BPIFC: variants seen among roughly 807,000 people sequenced by gnomAD.
The protein encoded by BPIFC is BPI fold containing family C.
BPIFC carries 60 observed loss-of-function variants against 57.6 expected under a neutral mutation model. That is an observed-to-expected ratio of 1.04 (90% CI 0.85 to 1.29). The LOEUF (loss-of-function observed/expected upper bound fraction) is 1.29, where lower values mean the gene tolerates loss of function less well. Among genes scored for constraint, BPIFC ranks in the 50% most tolerant of loss-of-function variants. BPIFC has a pLI of 0.00. For missense variants in BPIFC, 581 were observed against 600.5 expected (o/e 0.97, Z 0.34); for synonymous variants, 243 against 224.5 (o/e 1.08, Z -0.74).
intron 3 of BPIFC, 41 bp from the exon 4 acceptor site, chr22:32,453,544 G>C (rs768301124): frequency 8.4e-6 from 13 of 1,544,048 alleles, no homozygotes; most frequent in Non-Finnish European, 1.1e-5. Context: ...TAATGACAAA[G>C]ATAATAATAG....
At chr22:32,421,910 C>T (rs1291494400) in intron 13 of BPIFC, among the ~76,000 whole-genome samples, 1 of 152,112 alleles carries the variant, frequency 6.6e-6, no homozygotes, top group African/African-American at 2.4e-5. Flanking sequence ...AGGAAGGTTT[C>T]CAGGGGAGGG....
rs539507235 is a variant in BPIFC, at chr22:32,431,872, G to A, written c.1150-458C>T. Among the ~76,000 whole-genome samples the A allele has an allele frequency of 2.6e-5, 4 of 152,096 alleles. No individual in the cohort carries two copies. The South Asian group carries it at 8.3e-4, about 32-fold the overall frequency. ...GAGCGTGCATGAAGTAGAGACTGGA[G>A]AGATTTTACAATGTATGAGAGTGTG... On this transcript the variant is annotated intron_variant, in intron 12 of 16. Coordinates refer to ENST00000300399, the MANE Select transcript of BPIFC (RefSeq NM_174932.3).
At chr22:32,431,599 T>C (rs16990445) in intron 12 of BPIFC, among the ~76,000 whole-genome samples, 185 bp from the exon 13 acceptor site, 13,500 of 152,080 alleles carry the variant, frequency 0.089, 909 homozygotes, top group African/African-American at 0.19. Flanking sequence ...GGAAGCTACC[T>C]GCAAAGACTT....
chr22:32,452,819 T>G (rs963430207), intron 4 of BPIFC, among the ~76,000 whole-genome samples: 2 of 152,124 alleles, frequency 1.3e-5, no homozygotes, highest in Non-Finnish European at 2.9e-5. Context: ...TAGAAGAGCT[T>G]GACTCTCCCT....
intron 12 of BPIFC, among the ~76,000 whole-genome samples, chr22:32,431,800 A>G (rs1300028379): frequency 1.3e-5 from 2 of 152,202 alleles, no homozygotes; most frequent in African/African-American, 4.8e-5. Flanking sequence ...GATTAAAAAA[A>G]AAGAGAGAAT....
At chr22:32,459,126 C>A (rs1935104918) in intron 2 of BPIFC, among the ~76,000 whole-genome samples, 1 of 152,184 alleles carries the variant, frequency 6.6e-6, no homozygotes, top group Non-Finnish European at 1.5e-5. Flanking sequence ...ATCACTGCTG[C>A]ACTTACACAT....
chr22:32,441,841 G>A (rs575214929), intron 8 of BPIFC, among the ~76,000 whole-genome samples: 1 of 152,142 alleles, frequency 6.6e-6, no homozygotes, highest in South Asian at 2.1e-4. Flanking sequence ...CCTGGGGTTG[G>A]GGGGGATGGT....
chr22:32,417,037 A>T, intron 15 of BPIFC, 48 bp downstream of exon 15: 1 of 1,434,242 alleles, frequency 7.0e-7, no homozygotes, highest in Non-Finnish European at 9.8e-7. Context: ...TGCAGATGTT[A>T]AATGTTAGCC....
At position 32,424,660 on chromosome 22, in the gene BPIFC, T is replaced by C. The variant is rs1441250873; in HGVS notation, c.1218-5256A>G. Among the ~76,000 whole-genome samples the C allele has an allele frequency of 0.013, 811 of 60,930 alleles. 142 individuals are homozygous for C. In the East Asian group the frequency reaches 0.15, roughly 11 times the overall value. The allele number at this position is 60,930 out of a possible 152,430, so 40.0% of individuals were successfully genotyped here. Reference sequence around the variant, plus strand: ...TCTTCTTCTCTTCTTCTTCTTCTTCTTCTTCTTCTTCTTCTTCTTCTTCTT... The same window carrying C: ...TCTTCTTCTCTTCTTCTTCTTCTTCCTCTTCTTCTTCTTCTTCTTCTTCTT... On this transcript the variant is annotated intron_variant, in intron 13 of 16. Coordinates refer to ENST00000300399, the MANE Select transcript of BPIFC (RefSeq NM_174932.3).
At chr22:32,436,216 C>A (rs1296225096) in intron 9 of BPIFC, among the ~76,000 whole-genome samples, 2 of 152,102 alleles carry the variant, frequency 1.3e-5, no homozygotes, top group Non-Finnish European at 2.9e-5. Context: ...ATCCCTTGAA[C>A]CAGGGAGGTT....
At chr22:32,453,862 C>T (rs190577443) in intron 3 of BPIFC, among the ~76,000 whole-genome samples, 2 of 151,972 alleles carry the variant, frequency 1.3e-5, no homozygotes, top group Non-Finnish European at 2.9e-5. Context: ...GCGGGAGGAT[C>T]GCTTGAGCCA....
intron 14 of BPIFC, among the ~76,000 whole-genome samples, chr22:32,418,889 G>A (rs1198550173): frequency 2.0e-5 from 3 of 152,012 alleles, no homozygotes; most frequent in African/African-American, 4.8e-5. Context: ...AAGTCACAAG[G>A]CTGGGAACCC....
chr22:32,431,692 A>G (rs1934247751), intron 12 of BPIFC, among the ~76,000 whole-genome samples: 1 of 151,798 alleles, frequency 6.6e-6, no homozygotes, highest in Non-Finnish European at 1.5e-5. Flanking sequence ...CTATGTGCGT[A>G]TGACATTTTT....
intron 13 of BPIFC, among the ~76,000 whole-genome samples, chr22:32,424,802 A>G (rs1347233704): frequency 8.7e-6 from 1 of 115,108 alleles, no homozygotes; most frequent in Non-Finnish European, 1.7e-5. Flanking sequence ...TTTTTTTGAG[A>G]CGGAGTTTTG....
chr22:32,431,189 C>T (rs1025924176), intron 13 of BPIFC, among the ~76,000 whole-genome samples, 158 bp downstream of exon 13: 6 of 150,430 alleles, frequency 4.0e-5, no homozygotes, highest in African/African-American at 7.3e-5. Flanking sequence ...TCTTGGCTTA[C>T]TGCAACCTCT....
chr22:32,447,382 A>G (rs1328047917), intron 4 of BPIFC, 42 bp from the exon 5 acceptor site: 1 of 1,591,314 alleles, frequency 6.3e-7, no homozygotes, highest in South Asian at 1.1e-5. Flanking sequence ...CTCTTCCAGC[A>G]CATCTCTTCA....
chr22:32,422,905 T>C (rs1009195310), intron 13 of BPIFC, among the ~76,000 whole-genome samples: 8 of 152,300 alleles, frequency 5.3e-5, no homozygotes, highest in Admixed American at 2.6e-4. Flanking sequence ...CCCACCAGGC[T>C]GTGGACTGGG....
intron 8 of BPIFC, among the ~76,000 whole-genome samples, chr22:32,441,206 C>T (rs1285822649): frequency 2.0e-5 from 3 of 152,176 alleles, no homozygotes; most frequent in African/African-American, 7.2e-5. Context: ...CTAGATTGAG[C>T]AGCAGCTCAC....
chr22:32,430,576 A>T (rs2142717), intron 13 of BPIFC, among the ~76,000 whole-genome samples: 1 of 148,322 alleles, frequency 6.7e-6, no homozygotes, highest in Non-Finnish European at 1.5e-5. Context: ...TATTTATTAC[A>T]TATGTAATAT....
Sources: allele counts gnomAD v4.1 joint callset (sites outside exome capture counted in the v4.1 genomes callset), GRCh38; gene constraint gnomAD v4.1.1; transcripts MANE v1.5; gene names NCBI Gene and HGNC (gene_info 2026-07-23, HGNC 2026-07-21).